EPN3: variants seen among roughly 807,000 people sequenced by gnomAD.
The protein encoded by EPN3 is epsin-3.
EPN3 carries 56 observed loss-of-function variants against 55.5 expected under a neutral mutation model. The observed-to-expected ratio is 1.01, with a 90% CI of 0.81 to 1.26. EPN3 has a LOEUF of 1.26. EPN3 is among the 50% of genes most tolerant of loss of function. The probability of loss-of-function intolerance (pLI) is 0.00; values close to 1 mark genes in which losing one functional copy is unlikely to be tolerated. For synonymous variants in EPN3, 449 were observed against 375.2 expected (o/e 1.20, Z -2.27); for missense variants, 927 against 853.4 (o/e 1.09, Z -1.07).
chr17:50,536,707 G>C lies in EPN3; in HGVS notation c.151G>C (p.Val51Leu), dbSNP rs2034768093. ...GATCGCTGACCTGACCTTCAACACAGTGGCCTTCACCGAAGTCATGGGCAT... is the reference window on the plus strand; with the variant it reads ...GATCGCTGACCTGACCTTCAACACACTGGCCTTCACCGAAGTCATGGGCAT... ...SEIADLTFNT[V>L]AFTEVMGMLW... is the part of the protein sequence containing the mutation. Residue 51 changes from valine (V) to leucine (L), a missense_variant, in exon 2 of 10, where the codon GTG (valine) becomes CTG (leucine). By Grantham distance (32) the Val-to-Leu change is conservative (BLOSUM62 1). Transcript: ENST00000268933. The C allele has an allele frequency of 1.2e-6, 2 of 1,614,110 alleles. No homozygotes were observed. Among genetic ancestry groups the C allele is most frequent in the African/African-American group, 1.3e-5 (1 of 74,996 alleles).
chr17:50,537,151 G>T, intron 2 of EPN3, 33 bp downstream of exon 2: 1 of 1,525,742 alleles, frequency 6.6e-7, no homozygotes, highest in Non-Finnish European at 8.8e-7. Context: ...CTGGGATGGG[G>T]AGGTGGCCCG....
intron 2 of EPN3, 68 bp from the exon 3 acceptor site, chr17:50,538,011 T>C (rs539111833): frequency 3.8e-6 from 5 of 1,303,954 alleles, no homozygotes; most frequent in East Asian, 4.6e-5. Context: ...CTCAGCTTCC[T>C]GGCAGGCAGA....
chr17:50,534,353 C>T, intron 1 of EPN3: 1 of 944,100 alleles, frequency 1.1e-6, no homozygotes, highest in Non-Finnish European at 1.3e-6. Context: ...GAGGCTGGTG[C>T]CCCCACACAG....
In EPN3 at chr17:50,538,971, G is replaced by T; in HGVS notation, c.762+7G>T. ...CCGGCAGGAGCACGAGAAGGTAGTGGGCCGAGCCCGCTGGGCTGCCGGTGC... is the reference window on the plus strand; with the variant it reads ...CCGGCAGGAGCACGAGAAGGTAGTGTGCCGAGCCCGCTGGGCTGCCGGTGC... On this transcript the variant is annotated splice_region_variant and intron_variant, in intron 4 of 9. Coordinates refer to ENST00000268933, the MANE Select transcript of EPN3 (RefSeq NM_017957.3). 6.3e-7 allele frequency: 1 copy of T among 1,594,884 alleles called. No homozygotes were observed. The highest frequency in any genetic ancestry group is 2.0e-4 in the Middle Eastern group (1 of 5,092).
Position 50,540,485 on chromosome 17 carries a change from C to A in EPN3, c.979+151C>A. 3 of 747,560 alleles carry A rather than the reference C, an allele frequency of 4.0e-6. No homozygotes were observed. The South Asian group carries it at 5.5e-5, about 14-fold the overall frequency. The allele number at this position is 747,560 out of a possible 1,614,324, so 46.3% of individuals were successfully genotyped here. Reference sequence around the variant, plus strand: ...GAGCCTCCGCCGCCTGTGGGACAGGCTTTCGTAGTGAGGGCTATGGAGAAT... The same window carrying A: ...GAGCCTCCGCCGCCTGTGGGACAGGATTTCGTAGTGAGGGCTATGGAGAAT... On this transcript the variant is annotated intron_variant, in intron 6 of 9. Coordinates refer to ENST00000268933, the MANE Select transcript of EPN3 (RefSeq NM_017957.3).
chr17:50,536,997 C>T lies in EPN3; in HGVS notation c.441C>T (p.Ala147=), dbSNP rs2034773389. The T allele has an allele frequency of 1.9e-6, 3 of 1,613,644 alleles. No individual in the cohort carries two copies. The highest frequency in any genetic ancestry group is 2.5e-6 in the Non-Finnish European group (3 of 1,179,978). The part of the protein sequence containing the change: ...EERLRQERTH[A]LKTKERMALE... Reference sequence around the variant, plus strand: ...GGCTGCGGCAGGAGCGAACCCACGCCCTCAAGACCAAGGAGCGCATGGCAC... The same window carrying T: ...GGCTGCGGCAGGAGCGAACCCACGCTCTCAAGACCAAGGAGCGCATGGCAC... The change falls in exon 2 of 10, where the codon GCC becomes GCT. Residue 147 remains alanine (A), a synonymous_variant. Transcript: ENST00000268933.
chr17:50,542,317 G>A lies in EPN3; in HGVS notation c.*160G>A. The stretch of plus-strand genomic sequence containing the variant: ...GGAAGCTGGACGCGGACCACGGCCC[G>A]GGAGCTAGAAACTGAACGCCCGCAT... On this transcript the variant is annotated 3_prime_UTR_variant, in exon 10 of 10. Transcript: ENST00000268933. 1.4e-6 allele frequency: 1 copy of A among 712,184 alleles called. No individual in the cohort carries two copies. The highest frequency in any genetic ancestry group is 2.1e-6 in the Non-Finnish European group (1 of 486,922). 44.1% of individuals were successfully genotyped at this position (712,184 alleles called of 1,614,324 possible).
rs769878809 is a variant in EPN3, at chr17:50,536,861, C to G, written c.305C>G (p.Thr102Ser). ...CACCAGTGCCGCGAGAACCTCTACA[C>G]CATCCAGACACTCAAGGACTTCCAG... ...VAHQCRENLY[T>S]IQTLKDFQYI... The change falls in exon 2 of 10, where the codon ACC (threonine) becomes AGC (serine). Residue 102 changes from threonine (T) to serine (S), a missense_variant. By Grantham distance (58) the Thr-to-Ser change is moderately conservative. Coordinates refer to ENST00000268933, the MANE Select transcript of EPN3 (RefSeq NM_017957.3). The G allele has an allele frequency of 6.2e-7, 1 of 1,614,172 alleles. No homozygotes were observed. The highest frequency in any genetic ancestry group is 2.2e-5 in the East Asian group (1 of 44,884).
intron 5 of EPN3, among the ~76,000 whole-genome samples, chr17:50,539,931 T>G (rs1376813604): frequency 1.3e-5 from 2 of 152,178 alleles, no homozygotes; most frequent in Non-Finnish European, 1.5e-5. Context: ...TGGCCTGGAT[T>G]CTATCCCAGC....
rs571985645 is a variant in EPN3 at position 50,533,089 on chromosome 17, G to A, written c.-137+104G>A. 67 of 687,460 alleles carry A rather than the reference G, an allele frequency of 9.7e-5. No individual in the cohort carries two copies. The Admixed American group carries it at 1.4e-3, about 15-fold the overall frequency. 42.6% of individuals were successfully genotyped at this position (687,460 alleles called of 1,614,324 possible). Reference sequence around the variant, plus strand: ...GGGGCTTAGTCTCTTTTCCAGGTGCGAGGGAGAAGGCTGAGCTGTAGAGGA... The same window carrying A: ...GGGGCTTAGTCTCTTTTCCAGGTGCAAGGGAGAAGGCTGAGCTGTAGAGGA... On this transcript the variant is annotated intron_variant, in intron 1 of 9. Transcript: ENST00000268933.
intron 3 of EPN3, 45 bp downstream of exon 3, chr17:50,538,242 G>T (rs370538423): frequency 6.0e-6 from 9 of 1,511,322 alleles, no homozygotes; most frequent in Middle Eastern, 1.8e-4. Flanking sequence ...GATGGGCTAG[G>T]GGGAGAGAGT....
In EPN3 at chr17:50,539,297, G is replaced by A. The variant is rs72835716; in HGVS notation, c.873G>A (p.Glu291=). 58,555 of 1,614,150 alleles carry A rather than the reference G, an allele frequency of 0.036. 1,322 individuals carry two copies. Among genetic ancestry groups the A allele is most frequent in the Middle Eastern group, 0.072 (438 of 6,058 alleles). ...AGAGAGAAGAGAGAAAGGAGGAGGA[G>A]AAGCTAAAAACCAGCCAGGTAGGGA... The part of the protein sequence containing the change: ...EPEREERKEE[E]KLKTSQSSIL... The change falls in exon 5 of 10, where the codon GAG becomes GAA. Residue 291 remains glutamate (E), a synonymous_variant. Coordinates refer to ENST00000268933, the MANE Select transcript of EPN3 (RefSeq NM_017957.3).
In EPN3 at chr17:50,536,775, C is replaced by A; in HGVS notation, c.219C>A (p.His73Gln). ...ATGACAGCGGCAAGAACTGGCGGCA[C>A]GTGTACAAGGCTCTAACATTGCTGG... is the stretch of plus-strand genomic sequence containing the variant. ...RLNDSGKNWR[H>Q]VYKALTLLDY... The change falls in exon 2 of 10, where the codon CAC (histidine) becomes CAA (glutamine). Residue 73 changes from histidine to glutamine, a missense_variant. Physicochemically the swap from His to Gln is conservative, Grantham distance 24. Transcript: ENST00000268933. 6.2e-7 allele frequency: 1 copy of A among 1,614,158 alleles called. No homozygotes were observed.
rs1299253362 is a variant in EPN3, at chr17:50,537,191, C to G, written c.562+73C>G. ...CCATTCCTGGCTCTGCAATCCAAGC[C>G]ATGGTTCATAATACCTACCTCCGAG... On this transcript the variant is annotated intron_variant, in intron 2 of 9. Coordinates refer to ENST00000268933, the MANE Select transcript of EPN3 (RefSeq NM_017957.3). 9 of 1,423,544 alleles carry G rather than the reference C, an allele frequency of 6.3e-6. No individual in the cohort carries two copies. In the African/African-American group the frequency reaches 1.3e-4, roughly 20 times the overall value. 88.2% of individuals were successfully genotyped at this position (1,423,544 alleles called of 1,614,324 possible). A position where few individuals can be genotyped will look rare whatever the true frequency, so the allele number is the denominator to read the frequency against.
Position 50,536,817 on chromosome 17 carries a change from G to A in EPN3, c.261G>A (p.Thr87=), listed in dbSNP as rs773550626. ...CATTGCTGGACTACCTGCTCAAGAC[G>A]GGCTCCGAGCGGGTGGCCCACCAGT... The part of the protein sequence containing the change: ...ALTLLDYLLK[T]GSERVAHQCR... Residue 87 remains threonine, a synonymous_variant, in exon 2 of 10, where the codon ACG becomes ACA. Transcript: ENST00000268933. 1.4e-5 allele frequency: 23 copies of A among 1,613,980 alleles called. No homozygotes were observed. The highest frequency in any genetic ancestry group is 1.8e-5 in the Non-Finnish European group (21 of 1,180,022).
chr17:50,539,531 C>T (rs1475506546), intron 5 of EPN3, among the ~76,000 whole-genome samples: 1 of 152,166 alleles, frequency 6.6e-6, no homozygotes, highest in Admixed American at 6.5e-5. Flanking sequence ...TGATTGGAGA[C>T]CCCCGGATTC....
Position 50,538,897 on chromosome 17 carries a change from C to G in EPN3, c.695C>G (p.Ala232Gly). 1.2e-6 allele frequency: 2 copies of G among 1,605,264 alleles called. No homozygotes were observed. Among genetic ancestry groups the G allele is most frequent in the South Asian group, 2.2e-5 (2 of 90,418 alleles). The change falls in exon 4 of 10, where the codon GCC becomes GGC. Residue 232 changes from alanine (A) to glycine (G), a missense_variant. By Grantham distance (60) the Ala-to-Gly change is moderately conservative. Transcript: ENST00000268933. ...CTTCCTCCGCAGCCTGTCCCCCCAG[C>G]CTCCCACAGGGACGAGGACCTGCAG... Reference protein sequence around the residue: ...REEAEKPVPPASHRDEDLQLQ... With the variant: ...REEAEKPVPPGSHRDEDLQLQ...
intron 3 of EPN3, 115 bp from the exon 4 acceptor site, chr17:50,538,769 C>G (rs1033424456): frequency 1.4e-6 from 1 of 719,458 alleles, no homozygotes; most frequent in Non-Finnish European, 2.2e-6. Context: ...ATGGCCCATG[C>G]ACACTGAGGG....
chr17:50,540,434 T>C (rs1482303683), intron 6 of EPN3, 100 bp downstream of exon 6: 15 of 1,131,188 alleles, frequency 1.3e-5, no homozygotes, highest in African/African-American at 3.1e-5. Context: ...AATCTGAGTG[T>C]CACCGGGCAA....
Sources: allele counts gnomAD v4.1 joint callset (sites outside exome capture counted in the v4.1 genomes callset), GRCh38; gene constraint gnomAD v4.1.1; transcripts MANE v1.5; gene names NCBI Gene and HGNC (gene_info 2026-07-23, HGNC 2026-07-21).